The following NALF1 variants were observed in gnomAD, a reference collection of about 807,000 sequenced individuals.
The protein encoded by NALF1 is NALCN channel auxiliary factor 1, also known as family with sequence similarity 155 member A.
A neutral mutation model predicts 48.4 loss-of-function variants in NALF1; 3 were observed. That is an observed-to-expected ratio of 0.06 (90% CI 0.03 to 0.16). The LOEUF is 0.16. Among genes scored for constraint, NALF1 ranks in the 10% least tolerant of loss-of-function variants. The pLI, the probability that NALF1 is intolerant of heterozygous loss-of-function variation, is 1.00. For missense variants in NALF1, 526 were observed against 571.5 expected (o/e 0.92, Z 0.81); for synonymous variants, 262 against 245.7 (o/e 1.07, Z -0.62).
intron 1 of NALF1, among the ~76,000 whole-genome samples, chr13:107,341,650 T>C (rs1454596055): frequency 6.6e-6 from 1 of 151,312 alleles, no homozygotes; most frequent in African/African-American, 2.4e-5. Flanking sequence ...CTTGGGTACA[T>C]ATATATGGTT....
intron 1 of NALF1, among the ~76,000 whole-genome samples, chr13:107,504,426 G>A (rs1594099069): frequency 1.3e-5 from 2 of 151,926 alleles, no homozygotes; most frequent in East Asian, 1.9e-4. Flanking sequence ...GATTTAAGCC[G>A]CTCTTGTCAC....
At chr13:107,753,204 C>T (rs1876988908) in intron 1 of NALF1, among the ~76,000 whole-genome samples, 1 of 152,186 alleles carries the variant, frequency 6.6e-6, no homozygotes, top group South Asian at 2.1e-4. Flanking sequence ...ACAGGCCTTT[C>T]CTATTATCTT....
chr13:107,620,156 C>T (rs1304982361), intron 1 of NALF1, among the ~76,000 whole-genome samples: 1 of 152,120 alleles, frequency 6.6e-6, no homozygotes, highest in East Asian at 1.9e-4. Context: ...AAAAATAATG[C>T]CAATGCTTAG....
At chr13:107,247,054 C>T (rs542427821) in intron 1 of NALF1, among the ~76,000 whole-genome samples, 11 of 152,210 alleles carry the variant, frequency 7.2e-5, no homozygotes, top group African/African-American at 2.6e-4. Flanking sequence ...TGCAACTGAA[C>T]ATTTACTAGC....
At chr13:107,280,338 T>C (rs1412497842) in intron 1 of NALF1, among the ~76,000 whole-genome samples, 1 of 152,204 alleles carries the variant, frequency 6.6e-6, no homozygotes, top group Non-Finnish European at 1.5e-5. Flanking sequence ...CGAATTATGC[T>C]ATTAGTTACT....
At chr13:107,755,779 A>T (rs1183547869) in intron 1 of NALF1, among the ~76,000 whole-genome samples, 1 of 152,140 alleles carries the variant, frequency 6.6e-6, no homozygotes, top group African/African-American at 2.4e-5. Context: ...CAGAATTTCA[A>T]ATGGCATCAT....
chr13:107,818,832 A>G (rs552879033), intron 1 of NALF1, among the ~76,000 whole-genome samples: 7 of 126,614 alleles, frequency 5.5e-5, no homozygotes, highest in Non-Finnish European at 9.3e-5. Context: ...AGATCGCGCC[A>G]CTGCACTCCA....
intron 1 of NALF1, among the ~76,000 whole-genome samples, chr13:107,567,139 T>C (rs934422216): frequency 6.6e-6 from 1 of 152,194 alleles, no homozygotes; most frequent in Non-Finnish European, 1.5e-5. Flanking sequence ...TGTCCTTATA[T>C]GTGATAACGT....
At chr13:107,221,327 TA>T (rs2138815413) in intron 1 of NALF1, among the ~76,000 whole-genome samples, 1 of 152,262 alleles carries the variant, frequency 6.6e-6, no homozygotes, top group East Asian at 1.9e-4. Flanking sequence ...CCTGTAAGCC[TA>T]GTACTTTGGG....
intron 1 of NALF1, among the ~76,000 whole-genome samples, chr13:107,660,467 ACACACACACACACACAC>A (rs1566434037): frequency 3.2e-5 from 4 of 124,036 alleles, no homozygotes; most frequent in African/African-American, 1.5e-4. Flanking sequence ...ACACACACAC[ACACACACACACACACAC>A]AACAAAGAAA....
intron 1 of NALF1, among the ~76,000 whole-genome samples, chr13:107,765,464 C>T (rs74925815): frequency 0.01 from 1,581 of 152,184 alleles, 29 homozygotes; most frequent in African/African-American, 0.033. Context: ...TATGGAAGTG[C>T]CATTTTATCT....
chr13:107,729,049 T>C (rs137884778), intron 1 of NALF1, among the ~76,000 whole-genome samples: 86 of 152,332 alleles, frequency 5.6e-4, no homozygotes, highest in African/African-American at 2.0e-3. Flanking sequence ...AAGCAGCGAA[T>C]AGCCTTTGAG....
chr13:107,375,287 T>G lies in NALF1; in HGVS notation c.916-164532A>C, dbSNP rs142167644. On this transcript the variant is annotated intron_variant, in intron 1 of 2. Transcript: ENST00000375915. ...AACAATTCTTTCCTGCCTAATCATA[T>G]TCAATAAACATATGAAAGCTTCATT... 2.2e-3 allele frequency among the ~76,000 whole-genome samples: 329 copies of G among 152,344 alleles called. 2 individuals carry two copies. The highest frequency in any genetic ancestry group is 4.4e-3 in the African/African-American group (183 of 41,580).
chr13:107,441,095 T>A (rs1884552090), intron 1 of NALF1, among the ~76,000 whole-genome samples: 1 of 152,218 alleles, frequency 6.6e-6, no homozygotes, highest in Admixed American at 6.5e-5. Context: ...ATTTGTCATA[T>A]TGGCCAAATC....
chr13:107,766,397 G>C (rs1184204573), intron 1 of NALF1, among the ~76,000 whole-genome samples: 2 of 152,028 alleles, frequency 1.3e-5, no homozygotes, highest in Non-Finnish European at 2.9e-5. Context: ...ATGAATATCA[G>C]ACAAAAAGAA....
intron 1 of NALF1, chr13:107,788,425 T>C (rs1878135892): frequency 6.6e-6 from 1 of 152,218 alleles, no homozygotes; most frequent in South Asian, 2.1e-4. Context: ...CTGGTGGATC[T>C]TGTTGAATAA....
At chr13:107,260,491 A>T (rs982082527) in intron 1 of NALF1, among the ~76,000 whole-genome samples, 12 of 152,148 alleles carry the variant, frequency 7.9e-5, no homozygotes, top group African/African-American at 2.9e-4. Context: ...TCGCTAGCAG[A>T]GTTTTGATTT....
chr13:107,473,792 T>C (rs1326324158), intron 1 of NALF1, among the ~76,000 whole-genome samples: 1 of 152,172 alleles, frequency 6.6e-6, no homozygotes, highest in Non-Finnish European at 1.5e-5. Context: ...CCCAAATAGT[T>C]CTTCTTATTC....
chr13:107,392,989 G>T (rs570268954), intron 1 of NALF1, among the ~76,000 whole-genome samples: 4 of 152,080 alleles, frequency 2.6e-5, no homozygotes, highest in African/African-American at 9.6e-5. Context: ...TGGGGCATGG[G>T]GTATGGACAA....
Sources: allele counts gnomAD v4.1 joint callset (sites outside exome capture counted in the v4.1 genomes callset), GRCh38; gene constraint gnomAD v4.1.1; transcripts MANE v1.5; gene names NCBI Gene and HGNC (gene_info 2026-07-23, HGNC 2026-07-21).